The following RBPMS variants were observed in gnomAD, a reference collection of about 807,000 sequenced individuals.
RBPMS encodes RNA binding protein, mRNA processing factor.
In RBPMS, 7 loss-of-function variants were observed where a neutral mutation model predicts 26.8. That is an observed-to-expected ratio of 0.26 (90% CI 0.15 to 0.49). RBPMS has a LOEUF of 0.49. Ranked by LOEUF, RBPMS falls within the 20% of genes least tolerant of loss-of-function variation. RBPMS has a pLI of 0.98. For missense variants in RBPMS, 186 were observed against 250.0 expected, an observed-to-expected ratio of 0.74 and a Z score of 1.73; for synonymous variants, 96 against 93.3, an observed-to-expected ratio of 1.03 and a Z score of -0.17.
rs58763494 is a variant in RBPMS at position 30,518,687 on chromosome 8, C to CTTTTT, written c.397+14275_397+14279dup. On this transcript the variant is annotated intron_variant, in intron 5 of 8. Coordinates refer to ENST00000397323, the MANE Select transcript of RBPMS (RefSeq NM_001008710.3). ...CAGTGATCCGCCCGGCCAAGCATGA[C>CTTTTT]TTTTTTTTTTTTTTTTTTTTTTTTT... 2.3e-3 allele frequency among the ~76,000 whole-genome samples: 42 copies of CTTTTT among 18,242 alleles called. 12 individuals carry two copies. Among genetic ancestry groups the CTTTTT allele is most frequent in the African/African-American group, 3.7e-3 (19 of 5,184 alleles). The allele number at this position is 18,242 out of a possible 152,430, so 12.0% of individuals were successfully genotyped here. A position where few individuals can be genotyped will look rare whatever the true frequency, so the allele number is the denominator to read the frequency against.
chr8:30,550,171 T>G (rs1826241549), intron 6 of RBPMS, among the ~76,000 whole-genome samples: 1 of 152,330 alleles, frequency 6.6e-6, no homozygotes, highest in Non-Finnish European at 1.5e-5. Flanking sequence ...ATGCAGGGCC[T>G]GTGCTCTGAG....
chr8:30,525,635 T>C (rs527472466), intron 5 of RBPMS, among the ~76,000 whole-genome samples: 111 of 152,368 alleles, frequency 7.3e-4, no homozygotes, highest in African/African-American at 2.6e-3. Flanking sequence ...CAAGGAATTG[T>C]GTTACTTACT....
At chr8:30,556,116 G>C in intron 6 of RBPMS, 1 of 985,366 alleles carries the variant, frequency 1.0e-6, no homozygotes, top group Non-Finnish European at 1.2e-6. Flanking sequence ...CCCCCCACTT[G>C]GCAAGCACAT....
At chr8:30,566,719 G>A (rs1827912776) in intron 8 of RBPMS, among the ~76,000 whole-genome samples, 1 of 152,060 alleles carries the variant, frequency 6.6e-6, no homozygotes, top group Non-Finnish European at 1.5e-5. Flanking sequence ...GCCTTTTTTG[G>A]GGGGAAATTA....
intron 6 of RBPMS, among the ~76,000 whole-genome samples, chr8:30,551,650 G>T (rs1402237467): frequency 1.3e-5 from 2 of 152,162 alleles, no homozygotes; most frequent in Admixed American, 1.3e-4. Context: ...CCAACAAGTC[G>T]CACCTGGAAG....
At chr8:30,531,881 A>G (rs1214606242) in intron 5 of RBPMS, among the ~76,000 whole-genome samples, 1 of 152,198 alleles carries the variant, frequency 6.6e-6, no homozygotes, top group Non-Finnish European at 1.5e-5. Flanking sequence ...CTTGTTGTAA[A>G]TTGGCAGGTT....
intron 5 of RBPMS, among the ~76,000 whole-genome samples, chr8:30,534,677 G>A (rs1472500594): frequency 1.3e-5 from 2 of 152,208 alleles, no homozygotes; most frequent in African/African-American, 4.8e-5. Context: ...GCTTATGTGT[G>A]TGTCTAGATT....
At chr8:30,497,336 A>C (rs1025590202) in intron 4 of RBPMS, among the ~76,000 whole-genome samples, 6 of 152,160 alleles carry the variant, frequency 3.9e-5, no homozygotes, top group Non-Finnish European at 7.3e-5. Flanking sequence ...TGAGGTCAGG[A>C]GTTCAAGACC....
intron 1 of RBPMS, chr8:30,445,416 A>G (rs1292232721): frequency 1.3e-5 from 2 of 152,098 alleles, no homozygotes; most frequent in Admixed American, 1.3e-4. Context: ...ATACAGAGCT[A>G]TTTAGATAAT....
chr8:30,569,569 T>A (rs1828128364), intron 8 of RBPMS, among the ~76,000 whole-genome samples: 1 of 152,058 alleles, frequency 6.6e-6, no homozygotes, highest in African/African-American at 2.4e-5. Flanking sequence ...GAAGGATGTG[T>A]TAGGGATTTG....
chr8:30,559,804 A>G (rs368753351), intron 7 of RBPMS, among the ~76,000 whole-genome samples: 9 of 152,376 alleles, frequency 5.9e-5, no homozygotes, highest in African/African-American at 2.2e-4. Context: ...GAAATGCTAA[A>G]GAGATCATGG....
intron 6 of RBPMS, among the ~76,000 whole-genome samples, chr8:30,550,360 C>T (rs1445949274): frequency 6.6e-6 from 1 of 152,158 alleles, no homozygotes. Context: ...AGGAAAAGGG[C>T]CAATAATCCT....
In RBPMS at chr8:30,477,588, T is replaced by C. The variant is rs143450350; in HGVS notation, c.145-211T>C. Among the ~76,000 whole-genome samples, 24 of 151,512 alleles carry C rather than the reference T, an allele frequency of 1.6e-4. No individual in the cohort carries two copies. In the East Asian group the frequency reaches 4.5e-3, roughly 28 times the overall value. The stretch of plus-strand genomic sequence containing the variant: ...AGGAAGAGAAACACAGATAAATCCA[T>C]AGATTGATTTTTTTTAAAGGCCCCA... On this transcript the variant is annotated intron_variant, in intron 2 of 8. Coordinates refer to ENST00000397323, the MANE Select transcript of RBPMS (RefSeq NM_001008710.3).
intron 5 of RBPMS, among the ~76,000 whole-genome samples, chr8:30,508,013 G>A (rs1201028718): frequency 6.6e-6 from 1 of 152,196 alleles, no homozygotes; most frequent in Non-Finnish European, 1.5e-5. Flanking sequence ...ATGATGAAGT[G>A]TCTGTTCCTA....
At chr8:30,455,251 C>T (rs1345184911) in intron 1 of RBPMS, among the ~76,000 whole-genome samples, 1 of 152,082 alleles carries the variant, frequency 6.6e-6, no homozygotes, top group Non-Finnish European at 1.5e-5. Context: ...TTAAATACTA[C>T]CCAGTTAGGG....
chr8:30,508,163 T>C (rs564215643), intron 5 of RBPMS, among the ~76,000 whole-genome samples: 85 of 152,250 alleles, frequency 5.6e-4, no homozygotes, highest in Non-Finnish European at 8.8e-4. Context: ...GGTATGTATA[T>C]ACACGGAGGA....
At chr8:30,414,557 C>T (rs932443366) in intron 1 of RBPMS, among the ~76,000 whole-genome samples, 3 of 152,092 alleles carry the variant, frequency 2.0e-5, no homozygotes, top group South Asian at 2.1e-4. Flanking sequence ...GTCATGAGGC[C>T]GGAGCAGATA....
intron 7 of RBPMS, chr8:30,561,971 C>T (rs1827526890): frequency 4.1e-6 from 4 of 985,278 alleles, no homozygotes; most frequent in Non-Finnish European, 4.8e-6. Flanking sequence ...ACTAGAAGGA[C>T]GAACAATTGC....
At chr8:30,536,919 C>T (rs1824862681) in intron 5 of RBPMS, among the ~76,000 whole-genome samples, 2 of 152,040 alleles carry the variant, frequency 1.3e-5, no homozygotes, top group African/African-American at 4.8e-5. Context: ...AAATACAGCT[C>T]CTGTTAAACA....
Sources: allele counts gnomAD v4.1 joint callset (sites outside exome capture counted in the v4.1 genomes callset), GRCh38; gene constraint gnomAD v4.1.1; transcripts MANE v1.5; gene names NCBI Gene and HGNC (gene_info 2026-07-23, HGNC 2026-07-21).